The following SLC18B1 variants were observed in gnomAD, a reference collection of about 807,000 sequenced individuals.
SLC18B1 encodes MFS-type transporter SLC18B1.
SLC18B1 carries 62 observed loss-of-function variants against 53.9 expected under a neutral mutation model. That is an observed-to-expected ratio of 1.15 (90% CI 0.94 to 1.42). The LOEUF is 1.42. Ranked by LOEUF, SLC18B1 falls within the 40% of genes most tolerant of loss-of-function variation. The pLI is 0.00. For synonymous variants in SLC18B1, 217 were observed against 200.9 expected (o/e 1.08, Z -0.68); for missense variants, 598 against 547.3 (o/e 1.09, Z -0.93).
intron 10 of SLC18B1, 83 bp from the exon 11 acceptor site, chr6:132,772,289 T>C (rs1780996483): frequency 2.5e-6 from 2 of 788,920 alleles, no homozygotes; most frequent in Non-Finnish European, 3.9e-6. Flanking sequence ...TCAATTAAGA[T>C]AAACCAAGGA....
At chr6:132,787,002 G>A (rs910215824) in intron 5 of SLC18B1, among the ~76,000 whole-genome samples, 2 of 152,164 alleles carry the variant, frequency 1.3e-5, no homozygotes, top group Non-Finnish European at 2.9e-5. Context: ...CTAAGATCCC[G>A]TGCATAAATC....
intron 6 of SLC18B1, among the ~76,000 whole-genome samples, chr6:132,781,043 T>A (rs968504878): frequency 6.6e-6 from 1 of 152,218 alleles, no homozygotes; most frequent in African/African-American, 2.4e-5. Flanking sequence ...GAATTGTATA[T>A]ACTAAGGATG....
chr6:132,790,040 A>G (rs1781483132), intron 3 of SLC18B1, 137 bp downstream of exon 3: 2 of 736,414 alleles, frequency 2.7e-6, no homozygotes. Flanking sequence ...TGAGGAGAGA[A>G]CTGTCAACAC....
chr6:132,779,350 C>T lies in SLC18B1; in HGVS notation c.713G>A (p.Gly238Asp). 1 of 1,613,712 alleles carries T rather than the reference C, an allele frequency of 6.2e-7. No individual in the cohort carries two copies. The highest frequency in any genetic ancestry group is 8.5e-7 in the Non-Finnish European group (1 of 1,179,864). ...TGAGTTGATGACGAAGGCTATAAGG[C>T]CAACTTTGGGTAAAGCGATCAGTTT... Reference protein sequence around the residue: ...FWKLIALPKVGLIAFVINSLS... With the variant: ...FWKLIALPKVDLIAFVINSLS... Residue 238 changes from glycine to aspartate, a missense_variant, in exon 7 of 14, where the codon GGC (glycine) becomes GAC (aspartate). By Grantham distance (94) the Gly-to-Asp change is moderately conservative. Transcript: ENST00000275227.
Position 132,784,050 on chromosome 6 carries a change from C to T in SLC18B1, c.541G>A (p.Gly181Ser), listed in dbSNP as rs145916851. The T allele has an allele frequency of 2.5e-6, 4 of 1,605,666 alleles. No homozygotes were observed. Among genetic ancestry groups the T allele is most frequent in the African/African-American group, 1.3e-5 (1 of 74,386 alleles). ...ETFSGLGLIL[G>S]PPVGGFLYQS... ...TACAAAAAGCCACCTACAGGAGGAC[C>T]TAGTATTAGCCCCAGTCCAGAAAAA... Residue 181 changes from glycine to serine, a missense_variant, in exon 6 of 14, where the codon GGT (glycine) becomes AGT (serine). Physicochemically the swap from Gly to Ser is moderately conservative, Grantham distance 56 (BLOSUM62 0). Transcript: ENST00000275227.
chr6:132,783,055 A>G (rs1029958411), intron 6 of SLC18B1, among the ~76,000 whole-genome samples: 4 of 152,096 alleles, frequency 2.6e-5, no homozygotes, highest in African/African-American at 9.7e-5. Context: ...GATTACAGAG[A>G]TTAGCCACTG....
rs1554223267 is a variant in SLC18B1, at chr6:132,792,280, A to AAAGAAAGG, written c.184-2009_184-2008insCCTTTCTT. On this transcript the variant is annotated intron_variant, in intron 2 of 13. Transcript: ENST00000275227. ...GAAAGAAAGAAAGAAAGAAAGAAAG[A>AAAGAAAGG]AAGGAAGAAAGGAAGGAAGGAAGGA... 1.8e-3 allele frequency among the ~76,000 whole-genome samples: 75 copies of AAAGAAAGG among 42,688 alleles called. 2 individuals carry two copies. The highest frequency in any genetic ancestry group is 4.4e-3 in the South Asian group (5 of 1,146). The allele number at this position is 42,688 out of a possible 152,430, so 28.0% of individuals were successfully genotyped here.
At chr6:132,776,895 G>A (rs1317139647) in intron 7 of SLC18B1, among the ~76,000 whole-genome samples, 2 of 152,164 alleles carry the variant, frequency 1.3e-5, no homozygotes, top group Non-Finnish European at 2.9e-5. Context: ...CAGCAGTGGT[G>A]AGGCACCACC....
At chr6:132,782,056 C>T (rs1781250950) in intron 6 of SLC18B1, among the ~76,000 whole-genome samples, 1 of 151,432 alleles carries the variant, frequency 6.6e-6, no homozygotes, top group South Asian at 2.1e-4. Flanking sequence ...GGTGTGGTGG[C>T]ATGCACCTGT....
intron 8 of SLC18B1, among the ~76,000 whole-genome samples, chr6:132,775,553 T>C (rs963641002): frequency 3.9e-5 from 6 of 152,098 alleles, no homozygotes; most frequent in African/African-American, 1.4e-4. Context: ...AATATGCAAA[T>C]GAAATCAAGG....
In SLC18B1 at chr6:132,792,316, G is replaced by A. The variant is rs71574631; in HGVS notation, c.184-2044C>T. Among the ~76,000 whole-genome samples, 388 of 80,244 alleles carry A rather than the reference G, an allele frequency of 4.8e-3. 4 individuals carry two copies. Among genetic ancestry groups the A allele is most frequent in the African/African-American group, 0.01 (126 of 12,434 alleles). The allele number at this position is 80,244 out of a possible 152,430, so 52.6% of individuals were successfully genotyped here. ...GGAAGGAAGGAAGGAAGGAAGGAAGGAAGGAAGGAAGGAAGGAAGGAAGGA... is the reference window on the plus strand; with the variant it reads ...GGAAGGAAGGAAGGAAGGAAGGAAGAAAGGAAGGAAGGAAGGAAGGAAGGA... On this transcript the variant is annotated intron_variant, in intron 2 of 13. Transcript: ENST00000275227.
At position 132,773,039 on chromosome 6, in the gene SLC18B1, C is replaced by T. The variant is rs1423537260; in HGVS notation, c.1039G>A (p.Gly347Arg). 3.1e-6 allele frequency: 5 copies of T among 1,613,922 alleles called. No homozygotes were observed. Among genetic ancestry groups the T allele is most frequent in the Admixed American group, 3.3e-5 (2 of 60,004 alleles). ...GGGAAAGTTGGAATTATACTCATTC[C>T]AGCAGAGAGGCCACTTACAACTAAT... ...LILVVSGLSA[G>R]MSIIPTFPEI... The change falls in exon 10 of 14, where the codon GGA (glycine) becomes AGA (arginine). Residue 347 changes from glycine to arginine, a missense_variant. Transcript: ENST00000275227.
At chr6:132,791,982 C>A (rs897649797) in intron 2 of SLC18B1, among the ~76,000 whole-genome samples, 66 of 151,940 alleles carry the variant, frequency 4.3e-4, no homozygotes, top group African/African-American at 1.6e-3. Context: ...AATCCCAGCA[C>A]TTTAGGAAGC....
At chr6:132,791,975 C>G (rs939395258) in intron 2 of SLC18B1, among the ~76,000 whole-genome samples, 1 of 151,910 alleles carries the variant, frequency 6.6e-6, no homozygotes, top group South Asian at 2.1e-4. Flanking sequence ...CGCCTGTAAT[C>G]CCAGCACTTT....
intron 1 of SLC18B1, among the ~76,000 whole-genome samples, chr6:132,798,196 G>A (rs1781748689): frequency 6.6e-6 from 1 of 152,238 alleles, no homozygotes; most frequent in Non-Finnish European, 1.5e-5. Flanking sequence ...CAGAGGTATA[G>A]GTTAGAAAGT....
chr6:132,772,725 G>A (rs1582852972), intron 10 of SLC18B1, among the ~76,000 whole-genome samples: 1 of 152,058 alleles, frequency 6.6e-6, no homozygotes. Flanking sequence ...TATCTATTTT[G>A]CTTTAGCTTT....
At chr6:132,779,227 C>T in intron 7 of SLC18B1, 41 bp downstream of exon 7, 2 of 1,601,506 alleles carry the variant, frequency 1.2e-6, no homozygotes. Context: ...GTTACATCCA[C>T]CTGCTACAAT....
chr6:132,775,347 A>C (rs1229453530), intron 8 of SLC18B1, among the ~76,000 whole-genome samples: 1 of 152,226 alleles, frequency 6.6e-6, no homozygotes, highest in Non-Finnish European at 1.5e-5. Flanking sequence ...TAGTATCCTG[A>C]ATGGACTAAG....
chr6:132,774,970 A>C lies in SLC18B1; in HGVS notation c.898-657T>G, dbSNP rs188127550. On this transcript the variant is annotated intron_variant, in intron 8 of 13. Coordinates refer to ENST00000275227, the MANE Select transcript of SLC18B1 (RefSeq NM_052831.3). ...AGTATTAATAGTTACAATACCTAGA[A>C]AAATCACATTATTAAAAAATTACCT... 6.4e-3 allele frequency among the ~76,000 whole-genome samples: 972 copies of C among 152,302 alleles called. 5 individuals are homozygous for C. The highest frequency in any genetic ancestry group is 0.014 in the Middle Eastern group (4 of 294).
Sources: gnomAD v4.1 joint callset for allele counts (sites outside exome capture counted in the v4.1 genomes callset) on GRCh38, gnomAD v4.1.1 for gene constraint, MANE v1.5 for transcripts, NCBI Gene and HGNC (gene_info 2026-07-23, HGNC 2026-07-21) for gene names.